EPAS1: variants seen among roughly 807,000 people sequenced by gnomAD.
EPAS1 encodes the protein endothelial PAS domain-containing protein 1.
A neutral mutation model predicts 87.9 loss-of-function variants in EPAS1; 23 were observed. That is an observed-to-expected ratio of 0.26 (90% CI 0.19 to 0.37). The LOEUF (loss-of-function observed/expected upper bound fraction) is 0.37. Among genes scored for constraint, EPAS1 ranks in the 10% least tolerant of loss-of-function variants. EPAS1 has a pLI of 1.00. For synonymous variants in EPAS1, 508 were observed against 444.3 expected (o/e 1.14, Z -1.80); for missense variants, 1,138 against 1,120.7 (o/e 1.02, Z -0.22).
intron 1 of EPAS1, among the ~76,000 whole-genome samples, chr2:46,330,593 A>G (rs918726176): frequency 1.3e-5 from 2 of 152,258 alleles, no homozygotes; most frequent in African/African-American, 4.8e-5. Context: ...CTCAGTGCCC[A>G]TGGAGATAAT....
intron 1 of EPAS1, among the ~76,000 whole-genome samples, chr2:46,318,579 A>G (rs1683390998): frequency 6.6e-6 from 1 of 152,194 alleles, no homozygotes; most frequent in Admixed American, 6.5e-5. Context: ...TACCATTTTT[A>G]TTAAGTTCCC....
intron 6 of EPAS1, among the ~76,000 whole-genome samples, chr2:46,363,557 G>C (rs934173751): frequency 6.6e-6 from 1 of 152,214 alleles, no homozygotes; most frequent in East Asian, 1.9e-4. Context: ...CAAAAGAAGA[G>C]GGGGAGAAAC....
chr2:46,352,281 G>A (rs1359905650), intron 2 of EPAS1, among the ~76,000 whole-genome samples: 1 of 152,158 alleles, frequency 6.6e-6, no homozygotes, highest in Non-Finnish European at 1.5e-5. Flanking sequence ...TCACCTTACA[G>A]CAGTTTATCT....
chr2:46,358,863 T>C (rs2103632747), intron 4 of EPAS1, among the ~76,000 whole-genome samples: 1 of 152,282 alleles, frequency 6.6e-6, no homozygotes, highest in Admixed American at 6.5e-5. Flanking sequence ...GTGGAAGGCT[T>C]TGAAGGCCAG....
chr2:46,307,859 A>C (rs2104839275), intron 1 of EPAS1, among the ~76,000 whole-genome samples: 1 of 152,274 alleles, frequency 6.6e-6, no homozygotes, highest in South Asian at 2.1e-4. Flanking sequence ...GAGCACAGAG[A>C]ATCTTCAGAG....
intron 6 of EPAS1, among the ~76,000 whole-genome samples, 197 bp downstream of exon 6, chr2:46,361,287 T>C (rs1684382818): frequency 6.6e-6 from 1 of 152,186 alleles, no homozygotes; most frequent in African/African-American, 2.4e-5. Flanking sequence ...GGTCTCCCAT[T>C]GACAGAGCCT....
chr2:46,365,668 C>T (rs61151542), intron 6 of EPAS1, among the ~76,000 whole-genome samples: 7,286 of 152,220 alleles, frequency 0.048, 382 homozygotes, highest in African/African-American at 0.13. Flanking sequence ...TTCATATAAC[C>T]ATGTAGTATT....
At chr2:46,368,216 G>A (rs551582547) in intron 6 of EPAS1, among the ~76,000 whole-genome samples, 1 of 152,318 alleles carries the variant, frequency 6.6e-6, no homozygotes, top group South Asian at 2.1e-4. Flanking sequence ...CACGAGAGAC[G>A]TTGTGCTGGA....
intron 6 of EPAS1, among the ~76,000 whole-genome samples, chr2:46,369,448 G>A (rs757702860): frequency 6.6e-6 from 1 of 152,194 alleles, no homozygotes; most frequent in Non-Finnish European, 1.5e-5. Context: ...TGTAGGCATC[G>A]AGCAAATTGT....
At chr2:46,329,100 C>A (rs1417089719) in intron 1 of EPAS1, among the ~76,000 whole-genome samples, 3 of 152,308 alleles carry the variant, frequency 2.0e-5, no homozygotes, top group African/African-American at 7.2e-5. Flanking sequence ...AGTGTTAGAG[C>A]TTCCTGGGTT....
rs1386133580 is a variant in EPAS1, at chr2:46,371,987, CTT to C, written c.886+2055_886+2056del. On this transcript the variant is annotated intron_variant, in intron 7 of 15. Coordinates refer to ENST00000263734, the MANE Select transcript of EPAS1 (RefSeq NM_001430.5). This position sits in a 1 kb window ranked among gnomAD's most constrained non-coding sequence, Gnocchi z 4.3. ...TAGGCATATAGAAAGGATTTTCCCT[CTT>C]GTTCTTCTTAGAACATCTTCAATCC... is the stretch of plus-strand genomic sequence containing the variant. Among the ~76,000 whole-genome samples the C allele has an allele frequency of 6.6e-6, 1 of 152,188 alleles. No homozygotes were observed. Among genetic ancestry groups the C allele is most frequent in the Admixed American group, 6.5e-5 (1 of 15,278 alleles).
At position 46,371,340 on chromosome 2, in the gene EPAS1, T is replaced by G. The variant is rs561699921; in HGVS notation, c.886+1407T>G. Among the ~76,000 whole-genome samples, 1 of 151,580 alleles carries G rather than the reference T, an allele frequency of 6.6e-6. No individual in the cohort carries two copies. Among genetic ancestry groups the G allele is most frequent in the Non-Finnish European group, 1.5e-5 (1 of 67,896 alleles). ...ACATGGTTAACCCACTCTTAAGGAG[T>G]GAGATCTTTCTTTTCTTTTATTGGT... On this transcript the variant is annotated intron_variant, in intron 7 of 15. Coordinates refer to ENST00000263734, the MANE Select transcript of EPAS1 (RefSeq NM_001430.5). This position sits in a 1 kb window ranked among gnomAD's most constrained non-coding sequence, Gnocchi z 4.3.
At position 46,386,205 on chromosome 2, in the gene EPAS1, T is replaced by A. The variant is rs189535461; in HGVS notation, c.*1545T>A. 1.2e-4 allele frequency: 19 copies of A among 152,760 alleles called. No homozygotes were observed. In the East Asian group the frequency reaches 1.9e-3, roughly 16 times the overall value. 9.5% of individuals were successfully genotyped at this position (152,760 alleles called of 1,614,324 possible). A position where few individuals can be genotyped will look rare whatever the true frequency, so the allele number is the denominator to read the frequency against. On this transcript the variant is annotated 3_prime_UTR_variant, in exon 16 of 16. Transcript: ENST00000263734. ...TAAGAGGGACGACACCTCTGGTTTTTCAATACCAATTACATGGAACTTTTC... is the reference window on the plus strand; with the variant it reads ...TAAGAGGGACGACACCTCTGGTTTTACAATACCAATTACATGGAACTTTTC...
In EPAS1 at chr2:46,382,048, C is replaced by A. The variant is rs149519216; in HGVS notation, c.2246C>A (p.Pro749His). The change falls in exon 14 of 16, where the codon CCT (proline) becomes CAT (histidine). Residue 749 changes from proline (P) to histidine (H), a missense_variant. Physicochemically the swap from Pro to His is moderately conservative, Grantham distance 77. Coordinates refer to ENST00000263734, the MANE Select transcript of EPAS1 (RefSeq NM_001430.5). ...AAGAACCTCAGGGGTGGGAGCTGCC[C>A]TTTGATGCCGGACAAGCCACTGAGC... is the stretch of plus-strand genomic sequence containing the variant. ...RMKNLRGGSC[P>H]LMPDKPLSAN... 9.6e-5 allele frequency: 155 copies of A among 1,612,166 alleles called. No individual in the cohort carries two copies. In the African/African-American group the frequency reaches 1.5e-3, roughly 16 times the overall value.
At chr2:46,384,239 C>T (rs1237531722) in intron 15 of EPAS1, among the ~76,000 whole-genome samples, 1 of 152,178 alleles carries the variant, frequency 6.6e-6, no homozygotes, top group Non-Finnish European at 1.5e-5. Flanking sequence ...GGGTCAGCAA[C>T]CCCAGGCTCT....
chr2:46,378,001 A>T lies in EPAS1; in HGVS notation c.1357A>T (p.Ser453Cys). 6.3e-7 allele frequency: 1 copy of T among 1,592,274 alleles called. No individual in the cohort carries two copies. Residue 453 changes from serine to cysteine, a missense_variant, in exon 10 of 16, where the codon AGC (serine) becomes TGC (cysteine). Physicochemically the swap from Ser to Cys is moderately radical, Grantham distance 112. This residue lies in a region of EPAS1 where 284 missense variants were observed against 258.4 expected (regional missense o/e 1.10). Coordinates refer to ENST00000263734, the MANE Select transcript of EPAS1 (RefSeq NM_001430.5). ...RSHSTQSEAG[S>C]LPAFTVPQAA... ...CCACAGCACCCAGAGCGAGGCTGGG[A>T]GCCTGCCTGCCTTCACCGTGCCCCA...
In EPAS1 at chr2:46,371,903, G is replaced by C. The variant is rs1165251000; in HGVS notation, c.886+1970G>C. Among the ~76,000 whole-genome samples, 2 of 152,142 alleles carry C rather than the reference G, an allele frequency of 1.3e-5. No individual in the cohort carries two copies. Among genetic ancestry groups the C allele is most frequent in the South Asian group, 4.1e-4 (2 of 4,832 alleles). The stretch of plus-strand genomic sequence containing the variant: ...GGAGGACAGTATTACCTTTTATCTT[G>C]TAGGATGGGAAAGCAGAAGAAGCTA... On this transcript the variant is annotated intron_variant, in intron 7 of 15. Coordinates refer to ENST00000263734, the MANE Select transcript of EPAS1 (RefSeq NM_001430.5). This position sits in a 1 kb window ranked among gnomAD's most constrained non-coding sequence, Gnocchi z 4.3.
At chr2:46,325,079 G>A (rs78052568) in intron 1 of EPAS1, among the ~76,000 whole-genome samples, 2,594 of 152,348 alleles carry the variant, frequency 0.017, 38 homozygotes, top group Middle Eastern at 0.034. Context: ...ATGGAGCAGG[G>A]AAATCTCCTG....
At chr2:46,302,419 C>G (rs895647871) in intron 1 of EPAS1, among the ~76,000 whole-genome samples, 2 of 151,944 alleles carry the variant, frequency 1.3e-5, no homozygotes, top group East Asian at 1.9e-4. Context: ...TTATTTTAGC[C>G]TGATGAATCT....
Sources: allele counts gnomAD v4.1 joint callset (sites outside exome capture counted in the v4.1 genomes callset), GRCh38; gene constraint gnomAD v4.1.1; regional missense constraint gnomAD v4.1.1; non-coding constraint Gnocchi (gnomAD v3.1); transcripts MANE v1.5; gene names NCBI Gene and HGNC (gene_info 2026-07-23, HGNC 2026-07-21).